Variants in ZFAND6 observed in about 807,000 individuals in gnomAD.
The protein encoded by ZFAND6 is zinc finger AN1-type containing 6.
A neutral mutation model predicts 24.5 loss-of-function variants in ZFAND6; 12 were observed. The observed-to-expected ratio is 0.49, with a 90% CI of 0.31 to 0.79. The LOEUF (loss-of-function observed/expected upper bound fraction) is 0.79. Ranked by LOEUF, ZFAND6 falls within the 30% of genes least tolerant of loss-of-function variation. The pLI is 0.04. For missense variants in ZFAND6, 207 were observed against 245.9 expected (o/e 0.84, Z 1.06); for synonymous variants, 92 against 81.5 (o/e 1.13, Z -0.69).
At chr15:80,130,946 T>TA in intron 5 of ZFAND6, 1 of 400,186 alleles carries the variant, frequency 2.5e-6, no homozygotes, top group Non-Finnish European at 4.4e-6. Flanking sequence ...AGAAAGTCTA[T>TA]AAAACCACTG....
At chr15:80,073,282 A>T (rs1479485850) in intron 1 of ZFAND6, 1 of 336,426 alleles carries the variant, frequency 3.0e-6, no homozygotes, top group Non-Finnish European at 5.9e-6. Flanking sequence ...ATAAGTAATT[A>T]ACATTTCGAA....
At chr15:80,102,977 ATG>A (rs2039116924) in intron 2 of ZFAND6, among the ~76,000 whole-genome samples, 1 of 152,164 alleles carries the variant, frequency 6.6e-6, no homozygotes, top group South Asian at 2.1e-4. Context: ...GGTACTTTTT[ATG>A]TGTGTGCTAT....
At chr15:80,071,698 G>T (rs534350360) in intron 1 of ZFAND6, among the ~76,000 whole-genome samples, 2 of 150,982 alleles carry the variant, frequency 1.3e-5, no homozygotes, top group South Asian at 4.2e-4. Context: ...ACTTTAGGGT[G>T]CCCATGCCAC....
chr15:80,122,598 T>C (rs2040195578), intron 4 of ZFAND6, 102 bp from the exon 5 acceptor site: 2 of 715,248 alleles, frequency 2.8e-6, no homozygotes, highest in East Asian at 5.1e-5. Flanking sequence ...TGTGTTCTCA[T>C]CTTAATTATC....
chr15:80,121,400 C>G (rs2040140071), intron 3 of ZFAND6, among the ~76,000 whole-genome samples: 2 of 152,120 alleles, frequency 1.3e-5, no homozygotes, highest in South Asian at 4.1e-4. Flanking sequence ...ATTTAAATAT[C>G]TCATTTGTTC....
At chr15:80,085,387 ATACATAAAT>A (rs2037930263) in intron 1 of ZFAND6, among the ~76,000 whole-genome samples, 1 of 152,236 alleles carries the variant, frequency 6.6e-6, no homozygotes, top group African/African-American at 2.4e-5. Context: ...TTTTTATTGA[ATACATAAAT>A]TCATTTAAAT....
intron 1 of ZFAND6, among the ~76,000 whole-genome samples, chr15:80,084,681 C>T (rs997799364): frequency 1.3e-5 from 2 of 152,190 alleles, no homozygotes; most frequent in Non-Finnish European, 2.9e-5. Flanking sequence ...GAGCAAGTTC[C>T]TGAGCTATGT....
chr15:80,093,416 A>G (rs2038510768), intron 1 of ZFAND6, among the ~76,000 whole-genome samples: 1 of 152,070 alleles, frequency 6.6e-6, no homozygotes, highest in Admixed American at 6.5e-5. Context: ...ATTCTTTCAA[A>G]TAATCGGAAA....
Position 80,105,825 on chromosome 15 carries a change from C to G in ZFAND6, c.-18+7247C>G, listed in dbSNP as rs146063070. ...TTAGTCATCCCTACAAGGTGTGTTA[C>G]GTTTTAACTGAAAGAAAATCAGTTT... On this transcript the variant is annotated intron_variant, in intron 2 of 6. Transcript: ENST00000261749. Among the ~76,000 whole-genome samples, 56 of 152,236 alleles carry G rather than the reference C, an allele frequency of 3.7e-4. 1 individual carries two copies. In the East Asian group the frequency reaches 9.8e-3, roughly 27 times the overall value.
intron 5 of ZFAND6, among the ~76,000 whole-genome samples, chr15:80,125,187 AC>A (rs1175154934): frequency 1.3e-4 from 20 of 152,196 alleles, no homozygotes; most frequent in African/African-American, 4.8e-4. Flanking sequence ...TTATGATTAG[AC>A]AGTTGTGGAG....
rs996334913 is a variant in ZFAND6, at chr15:80,120,335, A to G, written c.-10A>G. 1.7e-5 allele frequency: 26 copies of G among 1,551,880 alleles called. No individual in the cohort carries two copies. Among genetic ancestry groups the G allele is most frequent in the African/African-American group, 1.6e-4 (12 of 73,134 alleles). ...ATTTTATGTAATTTTCAGGTGTGCA[A>G]CTGAGGAACATGGCTCAAGAAACTA... is the stretch of plus-strand genomic sequence containing the variant. On this transcript the variant is annotated 5_prime_UTR_variant, in exon 3 of 7. Coordinates refer to ENST00000261749, the MANE Select transcript of ZFAND6 (RefSeq NM_019006.4).
At chr15:80,083,514 C>G (rs1326894057) in intron 1 of ZFAND6, among the ~76,000 whole-genome samples, 2 of 152,080 alleles carry the variant, frequency 1.3e-5, no homozygotes, top group African/African-American at 4.8e-5. Context: ...AGTGGCTGTG[C>G]TAAGACTTAG....
intron 1 of ZFAND6, among the ~76,000 whole-genome samples, chr15:80,085,790 A>G (rs1188266012): frequency 6.6e-6 from 1 of 152,164 alleles, no homozygotes; most frequent in African/African-American, 2.4e-5. Context: ...TTACATGTAT[A>G]GTCATGTGCC....
intron 1 of ZFAND6, among the ~76,000 whole-genome samples, chr15:80,077,626 A>G (rs2037358170): frequency 6.6e-6 from 1 of 152,074 alleles, no homozygotes. Context: ...ATAGTTGGGA[A>G]TTAAAGGTAA....
At chr15:80,065,439 T>G (rs2036568785) in intron 1 of ZFAND6, among the ~76,000 whole-genome samples, 1 of 151,998 alleles carries the variant, frequency 6.6e-6, no homozygotes, top group South Asian at 2.1e-4. Flanking sequence ...CTGTTATTGT[T>G]TAAGTCTCCC....
chr15:80,095,680 C>T (rs1260746714), intron 1 of ZFAND6, among the ~76,000 whole-genome samples: 1 of 152,162 alleles, frequency 6.6e-6, no homozygotes, highest in Non-Finnish European at 1.5e-5. Context: ...GATTCTTTAG[C>T]ATTATAAAGT....
intron 1 of ZFAND6, among the ~76,000 whole-genome samples, chr15:80,092,590 A>G (rs943783833): frequency 1.3e-5 from 2 of 152,118 alleles, no homozygotes; most frequent in Non-Finnish European, 2.9e-5. Flanking sequence ...AGAGGGGGGA[A>G]AGTTCTTGTC....
intron 2 of ZFAND6, among the ~76,000 whole-genome samples, chr15:80,102,617 A>C (rs1263992925): frequency 2.0e-5 from 3 of 152,198 alleles, no homozygotes; most frequent in Non-Finnish European, 2.9e-5. Flanking sequence ...TATGGGTGGC[A>C]CATTAATTTA....
chr15:80,137,030 C>T (rs2040895815), intron 6 of ZFAND6, among the ~76,000 whole-genome samples: 1 of 152,188 alleles, frequency 6.6e-6, no homozygotes, highest in African/African-American at 2.4e-5. Context: ...GTTCACATCT[C>T]CATGGGAGGT....
Sources: allele counts gnomAD v4.1 joint callset (sites outside exome capture counted in the v4.1 genomes callset), GRCh38; gene constraint gnomAD v4.1.1; transcripts MANE v1.5; gene names NCBI Gene and HGNC (gene_info 2026-07-23, HGNC 2026-07-21).